VSTM4: variants seen among roughly 807,000 people sequenced by gnomAD.
The protein encoded by VSTM4 is V-set and transmembrane domain-containing protein 4.
A neutral mutation model predicts 36.4 loss-of-function variants in VSTM4; 20 were observed. That is an observed-to-expected ratio of 0.55 (90% CI 0.39 to 0.80). The LOEUF is 0.80. Ranked by LOEUF, VSTM4 falls within the 30% of genes least tolerant of loss-of-function variation. The pLI, the probability that VSTM4 is intolerant of heterozygous loss-of-function variation, is 0.00. For missense variants in VSTM4, 392 were observed against 404.5 expected (o/e 0.97, Z 0.26); for synonymous variants, 182 against 173.9 (o/e 1.05, Z -0.37).
In VSTM4 at chr10:49,014,290, C is replaced by T. The variant is rs1419149002; in HGVS notation, c.*5360G>A. On this transcript the variant is annotated 3_prime_UTR_variant, in exon 8 of 8. Coordinates refer to ENST00000332853, the MANE Select transcript of VSTM4 (RefSeq NM_001031746.5). ...ATGTGGAAGAACAAGGTGCATTTAA[C>T]CAAAGCTGTAAACATCTCTAATTAT... The T allele has an allele frequency of 6.6e-6, 1 of 152,216 alleles. No individual in the cohort carries two copies. The highest frequency in any genetic ancestry group is 1.5e-5 in the Non-Finnish European group (1 of 68,048). 9.4% of individuals were successfully genotyped at this position (152,216 alleles called of 1,614,324 possible).
rs143374742 is a variant in VSTM4, at chr10:49,062,177, C to T, written c.668+2526G>A. Among the ~76,000 whole-genome samples, 856 of 152,272 alleles carry T rather than the reference C, an allele frequency of 5.6e-3. 8 individuals carry two copies. Among genetic ancestry groups the T allele is most frequent in the Non-Finnish European group, 8.4e-3 (574 of 67,988 alleles). On this transcript the variant is annotated intron_variant, in intron 5 of 7. Transcript: ENST00000332853. Reference sequence around the variant, plus strand: ...AAACAGTGTTGTCTTGAGCATCAGACAATTCTATAATTTTTATTTAAATCC... The same window carrying T: ...AAACAGTGTTGTCTTGAGCATCAGATAATTCTATAATTTTTATTTAAATCC...
At chr10:49,024,491 G>A (rs954176829) in intron 7 of VSTM4, among the ~76,000 whole-genome samples, 43 of 152,192 alleles carry the variant, frequency 2.8e-4, no homozygotes, top group Non-Finnish European at 4.7e-4. Context: ...TGAGGCTATC[G>A]TCCTGGGGCT....
intron 1 of VSTM4, among the ~76,000 whole-genome samples, chr10:49,109,444 T>C (rs747624999): frequency 6.6e-6 from 1 of 151,154 alleles, no homozygotes; most frequent in Non-Finnish European, 1.5e-5. Flanking sequence ...GTTTCCACTA[T>C]TGATTTAATA....
chr10:49,115,119 C>A (rs563444910), intron 1 of VSTM4, among the ~76,000 whole-genome samples: 1 of 152,302 alleles, frequency 6.6e-6, no homozygotes, highest in South Asian at 2.1e-4. Flanking sequence ...ACTTGGGCTG[C>A]GCTCCTGCTG....
intron 7 of VSTM4, among the ~76,000 whole-genome samples, chr10:49,020,741 AAGGAAGGAAGGG>A (rs1843170150): frequency 2.3e-5 from 3 of 129,860 alleles, no homozygotes; most frequent in African/African-American, 8.3e-5. Flanking sequence ...GGAAGGAAGG[AAGGAAGGAAGGG>A]AGGGAGGGAG....
At chr10:49,080,509 C>T (rs1456626063) in intron 3 of VSTM4, among the ~76,000 whole-genome samples, 2 of 152,212 alleles carry the variant, frequency 1.3e-5, no homozygotes. Context: ...CTGCTCTTGG[C>T]AATTTAGATG....
intron 3 of VSTM4, among the ~76,000 whole-genome samples, chr10:49,078,538 A>AAAT (rs397779772): frequency 6.8e-4 from 103 of 151,762 alleles, no homozygotes; most frequent in African/African-American, 2.3e-3. Context: ...AAAAAAAAAA[A>AAAT]TCCCAAAAGG....
At chr10:49,046,175 C>A (rs146645412) in intron 7 of VSTM4, among the ~76,000 whole-genome samples, 1 of 152,210 alleles carries the variant, frequency 6.6e-6, no homozygotes, top group African/African-American at 2.4e-5. Context: ...TACAAATTAC[C>A]CAGTCTTGGG....
At chr10:49,104,780 CAG>C (rs902638971) in intron 2 of VSTM4, among the ~76,000 whole-genome samples, 4 of 147,756 alleles carry the variant, frequency 2.7e-5, no homozygotes, top group Admixed American at 2.0e-4. Context: ...TAGAGAGATA[CAG>C]AGAGAGAGAC....
chr10:49,069,406 C>T (rs1844033105), intron 4 of VSTM4, among the ~76,000 whole-genome samples: 1 of 152,210 alleles, frequency 6.6e-6, no homozygotes, highest in Non-Finnish European at 1.5e-5. Flanking sequence ...GGTCACAGTA[C>T]TTCATGCACA....
At chr10:49,079,831 T>C (rs1844246719) in intron 3 of VSTM4, among the ~76,000 whole-genome samples, 1 of 152,138 alleles carries the variant, frequency 6.6e-6, no homozygotes, top group South Asian at 2.1e-4. Context: ...TCGGCCATCC[T>C]GTCACCCTGA....
In VSTM4 at chr10:49,019,670, A is replaced by C; in HGVS notation, c.943T>G (p.Phe315Val). ...PTSTVYAQIL[F>V]EENKL Reference sequence around the variant, plus strand: ...CTGTACTACAGCTTGTTCTCCTCGAAGAGGATCTGGGCGTAGACAGTGCTG... The same window carrying C: ...CTGTACTACAGCTTGTTCTCCTCGACGAGGATCTGGGCGTAGACAGTGCTG... Residue 315 changes from phenylalanine (F) to valine (V), a missense_variant, in exon 8 of 8, where the codon TTC becomes GTC. Physicochemically the swap from Phe to Val is conservative, Grantham distance 50. Coordinates refer to ENST00000332853, the MANE Select transcript of VSTM4 (RefSeq NM_001031746.5). The C allele has an allele frequency of 6.2e-7, 1 of 1,612,618 alleles. No individual in the cohort carries two copies. Among genetic ancestry groups the C allele is most frequent in the Non-Finnish European group, 8.5e-7 (1 of 1,179,286 alleles).
intron 7 of VSTM4, among the ~76,000 whole-genome samples, chr10:49,035,462 G>A (rs192813448): frequency 9.8e-4 from 149 of 152,254 alleles, no homozygotes; most frequent in African/African-American, 3.5e-3. Context: ...AACTCTGTTG[G>A]TAGCAATCTG....
At chr10:49,047,481 C>A (rs1843630662) in intron 6 of VSTM4, among the ~76,000 whole-genome samples, 1 of 152,192 alleles carries the variant, frequency 6.6e-6, no homozygotes, top group African/African-American at 2.4e-5. Flanking sequence ...AAGTGAGGCC[C>A]TTCCCACGGT....
intron 4 of VSTM4, among the ~76,000 whole-genome samples, chr10:49,075,003 G>A (rs1844148447): frequency 6.6e-6 from 1 of 152,232 alleles, no homozygotes; most frequent in South Asian, 2.1e-4. Context: ...AGCACATGGA[G>A]GGGCCATATG....
chr10:49,024,332 A>G (rs1360223964), intron 7 of VSTM4, among the ~76,000 whole-genome samples: 1 of 152,190 alleles, frequency 6.6e-6, no homozygotes, highest in Non-Finnish European at 1.5e-5. Flanking sequence ...TCCACAAGTA[A>G]TTCTGGAGGA....
intron 2 of VSTM4, among the ~76,000 whole-genome samples, chr10:49,101,461 T>C (rs1336988014): frequency 6.6e-6 from 1 of 152,164 alleles, no homozygotes; most frequent in Non-Finnish European, 1.5e-5. Flanking sequence ...GAACCATGAA[T>C]AACAATGTTC....
At chr10:49,071,863 G>GAAGCCCAACAAACATAC (rs1844085631) in intron 4 of VSTM4, among the ~76,000 whole-genome samples, 2 of 152,292 alleles carry the variant, frequency 1.3e-5, no homozygotes, top group South Asian at 4.1e-4. Flanking sequence ...CAGGATGAGG[G>GAAGCCCAACAAACATAC]AAGCCCAACA....
chr10:49,100,151 C>G (rs1016164755), intron 2 of VSTM4, among the ~76,000 whole-genome samples: 3 of 152,122 alleles, frequency 2.0e-5, no homozygotes, highest in African/African-American at 7.2e-5. Flanking sequence ...ACGGTTGCCT[C>G]AAAGCTGGCT....
Sources: allele counts gnomAD v4.1 joint callset (sites outside exome capture counted in the v4.1 genomes callset), GRCh38; gene constraint gnomAD v4.1.1; transcripts MANE v1.5; gene names NCBI Gene and HGNC (gene_info 2026-07-23, HGNC 2026-07-21).